FHDC1: variants seen among roughly 807,000 people sequenced by gnomAD.
FHDC1 encodes FH2 domain-containing protein 1.
A neutral mutation model predicts 52.6 loss-of-function variants in FHDC1; 25 were observed. That is an observed-to-expected ratio of 0.48 (90% CI 0.35 to 0.66). The LOEUF is 0.66. Among genes scored for constraint, FHDC1 ranks in the 30% least tolerant of loss-of-function variants. The probability of loss-of-function intolerance (pLI) is 0.01; values close to 1 mark genes in which losing one functional copy is unlikely to be tolerated. For synonymous variants in FHDC1, 616 were observed against 581.5 expected (o/e 1.06, Z -0.85); for missense variants, 1,459 against 1,452.8 (o/e 1.00, Z -0.07).
chr4:152,913,919 G>T, the FHDC1 span, among the ~76,000 whole-genome samples: 1 of 152,152 alleles, frequency 6.6e-6, no homozygotes, highest in African/African-American at 2.4e-5. Context: ...GACCTCAGGT[G>T]ATCTGCCTGC....
intron 6 of FHDC1, among the ~76,000 whole-genome samples, chr4:152,961,527 A>C (rs1740282108): frequency 6.6e-6 from 1 of 152,192 alleles, no homozygotes; most frequent in East Asian, 1.9e-4. Flanking sequence ...GGTTTCTGGC[A>C]TCTTGGCACT....
rs1740988766 is a variant in FHDC1 at position 152,978,808 on chromosome 4, A to G, written c.*2085A>G. 1 of 152,184 alleles carries G rather than the reference A, an allele frequency of 6.6e-6. No individual in the cohort carries two copies. Among genetic ancestry groups the G allele is most frequent in the African/African-American group, 2.4e-5 (1 of 41,432 alleles). 9.4% of individuals were successfully genotyped at this position (152,184 alleles called of 1,614,324 possible). ...TCTGCAGACTGTTGCCTGTCATCTA[A>G]GCGAATTGGAAATGCTGAGCTTCCA... On this transcript the variant is annotated 3_prime_UTR_variant, in exon 12 of 12. Transcript: ENST00000511601.
At chr4:152,918,533 G>T in the FHDC1 span, 4 of 152,204 alleles carry the variant, frequency 2.6e-5, no homozygotes, top group Non-Finnish European at 2.9e-5. Context: ...TCTCTTTGGC[G>T]TAGCCCTAAA....
intron 1 of FHDC1, among the ~76,000 whole-genome samples, chr4:152,937,446 GAGCGTGGGCTTTCC>G (rs1561199868): frequency 6.6e-6 from 1 of 152,040 alleles, no homozygotes; most frequent in South Asian, 2.1e-4. Flanking sequence ...GTGGCGTGGG[GAGCGTGGGCTTTCC>G]AGCGTGGGCC....
chr4:152,927,014 C>G, the FHDC1 span, among the ~76,000 whole-genome samples: 2 of 152,226 alleles, frequency 1.3e-5, no homozygotes, highest in East Asian at 3.8e-4. Context: ...CTGAAGACTG[C>G]TCTCTACCAT....
At chr4:152,921,580 TCCTTCCTCCCTC>T in the FHDC1 span, among the ~76,000 whole-genome samples, 131 of 138,600 alleles carry the variant, frequency 9.5e-4, 1 homozygote, top group African/African-American at 2.7e-3. Context: ...CTTCCTTCCT[TCCTTCCTCCCTC>T]CCTCCCTCCC....
chr4:152,920,382 T>G, the FHDC1 span, among the ~76,000 whole-genome samples: 1 of 152,172 alleles, frequency 6.6e-6, no homozygotes, highest in Non-Finnish European at 1.5e-5. Flanking sequence ...AAAGGTAGAA[T>G]AGTATATGAC....
At chr4:152,944,467 G>T (rs1739668756) in intron 2 of FHDC1, among the ~76,000 whole-genome samples, 1 of 152,138 alleles carries the variant, frequency 6.6e-6, no homozygotes, top group African/African-American at 2.4e-5. Context: ...TGTCATAAAG[G>T]AGCAGAGAAA....
chr4:152,928,084 A>G, the FHDC1 span: 125 of 1,320,026 alleles, frequency 9.5e-5, no homozygotes, highest in East Asian at 2.8e-3. Context: ...GCATCCTCCC[A>G]GGCCTGTGCA....
chr4:152,922,781 G>A, the FHDC1 span, among the ~76,000 whole-genome samples: 2 of 152,070 alleles, frequency 1.3e-5, no homozygotes, highest in Admixed American at 6.5e-5. Flanking sequence ...AATAGATGCA[G>A]AAAAGACCTT....
chr4:152,925,775 A>G, the FHDC1 span, among the ~76,000 whole-genome samples: 6,452 of 151,646 alleles, frequency 0.043, 176 homozygotes, highest in South Asian at 0.11. Flanking sequence ...TCCTTACTTT[A>G]AACTCCCAAG....
rs767066981 is a variant in FHDC1 at position 152,954,174 on chromosome 4, T to G, written c.561-43T>G. ...CACTGGCTTGCACCTCTGTTGGCAC[T>G]CCAGCAAACGTGAAATGGAATGTGA... On this transcript the variant is annotated intron_variant, in intron 3 of 11. Coordinates refer to ENST00000511601, the MANE Select transcript of FHDC1 (RefSeq NM_001371116.1). 5 of 1,546,742 alleles carry G rather than the reference T, an allele frequency of 3.2e-6. 1 individual carries two copies. The East Asian group carries it at 9.0e-5, about 28-fold the overall frequency.
At chr4:152,958,140 G>A (rs1740161717) in intron 4 of FHDC1, among the ~76,000 whole-genome samples, 1 of 152,170 alleles carries the variant, frequency 6.6e-6, no homozygotes, top group Non-Finnish European at 1.5e-5. Context: ...GCCATTTCAA[G>A]CCATGTGACT....
At position 152,975,171 on chromosome 4, in the gene FHDC1, C is replaced by T; in HGVS notation, c.1880C>T (p.Pro627Leu). ...AQAHQLAAAQPENHASAFPRA... is the reference protein window; with the variant it reads ...AQAHQLAAAQLENHASAFPRA... ...GCGCACCAGCTTGCAGCCGCCCAGC[C>T]TGAGAACCATGCCTCTGCCTTCCCC... The change falls in exon 12 of 12, where the codon CCT becomes CTT. Residue 627 changes from proline to leucine, a missense_variant. By Grantham distance (98) the Pro-to-Leu change is moderately conservative. This residue lies in a region of FHDC1 where 939 missense variants were observed against 854.5 expected (regional missense o/e 1.10). Transcript: ENST00000511601. The T allele has an allele frequency of 6.2e-7, 1 of 1,613,206 alleles. No individual in the cohort carries two copies. Among genetic ancestry groups the T allele is most frequent in the Non-Finnish European group, 8.5e-7 (1 of 1,180,020 alleles).
chr4:152,920,506 C>T, the FHDC1 span, among the ~76,000 whole-genome samples: 1 of 152,044 alleles, frequency 6.6e-6, no homozygotes, highest in Non-Finnish European at 1.5e-5. Context: ...TTTCCTGAGT[C>T]ATAGTGAAAA....
intron 4 of FHDC1, among the ~76,000 whole-genome samples, chr4:152,958,959 G>T (rs146519539): frequency 3.3e-5 from 5 of 152,174 alleles, no homozygotes; most frequent in Admixed American, 3.3e-4. Flanking sequence ...GTGTGAACTC[G>T]AAGTGTTACA....
intron 11 of FHDC1, among the ~76,000 whole-genome samples, chr4:152,973,494 C>A (rs968964063): frequency 6.6e-6 from 1 of 152,236 alleles, no homozygotes; most frequent in Non-Finnish European, 1.5e-5. Flanking sequence ...GCCAAGTTGG[C>A]TCTTAATGAG....
In FHDC1 at chr4:152,977,249, G is replaced by C. The variant is rs903700027; in HGVS notation, c.*526G>C. The C allele has an allele frequency of 6.6e-6, 1 of 152,160 alleles. No individual in the cohort carries two copies. The highest frequency in any genetic ancestry group is 2.4e-5 in the African/African-American group (1 of 41,406). The allele number at this position is 152,160 out of a possible 1,614,324, so 9.4% of individuals were successfully genotyped here. A position where few individuals can be genotyped will look rare whatever the true frequency, so the allele number is the denominator to read the frequency against. The stretch of plus-strand genomic sequence containing the variant: ...TCTATCAGAAATACAAAATTTAGCC[G>C]AGTGTGGTGGCACATGCCTGTGGCC... On this transcript the variant is annotated 3_prime_UTR_variant, in exon 12 of 12. Transcript: ENST00000511601.
At position 152,976,526 on chromosome 4, in the gene FHDC1, G is replaced by T. The variant is rs766771699; in HGVS notation, c.3235G>T (p.Ala1079Ser). Residue 1079 changes from alanine to serine, a missense_variant, in exon 12 of 12, where the codon GCT becomes TCT. Transcript: ENST00000511601. The part of the protein sequence containing the change: ...LRVKGDPEDA[A>S]PKDSSTLRRA... ...GGTGAAAGGGGACCCCGAGGATGCC[G>T]CTCCCAAGGACAGCAGCACTTTGAG... 1 of 1,613,024 alleles carries T rather than the reference G, an allele frequency of 6.2e-7. No individual in the cohort carries two copies. Among genetic ancestry groups the T allele is most frequent in the African/African-American group, 1.3e-5 (1 of 74,912 alleles).
Sources: gnomAD v4.1 joint callset for allele counts (sites outside exome capture counted in the v4.1 genomes callset) on GRCh38, gnomAD v4.1.1 for gene constraint, gnomAD v4.1.1 regional missense constraint, MANE v1.5 for transcripts, NCBI Gene and HGNC (gene_info 2026-07-23, HGNC 2026-07-21) for gene names.